ARHGAP15: variants seen among roughly 807,000 people sequenced by gnomAD.
The protein encoded by ARHGAP15 is rho GTPase-activating protein 15.
A neutral mutation model predicts 63.7 loss-of-function variants in ARHGAP15; 51 were observed. The ratio of observed to expected loss-of-function variants is 0.80; its 90% confidence interval spans 0.64 to 1.01. ARHGAP15 has a LOEUF of 1.01. Ranked by LOEUF, ARHGAP15 falls within the 50% of genes least tolerant of loss-of-function variation. The probability of loss-of-function intolerance (pLI) is 0.00; values close to 1 mark genes in which losing one functional copy is unlikely to be tolerated. For synonymous variants in ARHGAP15, 191 were observed against 193.8 expected (o/e 0.99, Z 0.12); for missense variants, 560 against 564.6 (o/e 0.99, Z 0.08).
intron 1 of ARHGAP15, among the ~76,000 whole-genome samples, chr2:143,150,385 G>A (rs1689767902): frequency 6.6e-6 from 1 of 151,980 alleles, no homozygotes; most frequent in Non-Finnish European, 1.5e-5. Context: ...TGCAGTATGA[G>A]TAGGAAAATC....
intron 5 of ARHGAP15, among the ~76,000 whole-genome samples, chr2:143,245,999 A>T (rs558846748): frequency 1.8e-4 from 27 of 152,282 alleles, no homozygotes; most frequent in Non-Finnish European, 2.9e-4. Context: ...AAAAAATGGA[A>T]AATGTGAATT....
chr2:143,220,824 G>A (rs968317253), intron 4 of ARHGAP15, among the ~76,000 whole-genome samples: 1 of 151,828 alleles, frequency 6.6e-6, no homozygotes, highest in Non-Finnish European at 1.5e-5. Context: ...GAATTAATAA[G>A]CAATATTAAT....
chr2:143,406,857 G>T (rs1172312800), intron 6 of ARHGAP15, among the ~76,000 whole-genome samples: 8 of 151,824 alleles, frequency 5.3e-5, no homozygotes, highest in Non-Finnish European at 1.2e-4. Flanking sequence ...CCATCTTATG[G>T]TTCCATCTTC....
chr2:143,498,946 A>G (rs904882664), intron 9 of ARHGAP15, among the ~76,000 whole-genome samples: 3 of 152,200 alleles, frequency 2.0e-5, no homozygotes, highest in Non-Finnish European at 4.4e-5. Flanking sequence ...AAAGGCAGCC[A>G]TTTAAGACAC....
At chr2:143,687,017 T>C (rs905676496) in intron 12 of ARHGAP15, among the ~76,000 whole-genome samples, 3 of 152,214 alleles carry the variant, frequency 2.0e-5, no homozygotes, top group Non-Finnish European at 4.4e-5. Flanking sequence ...GAGTCAACTG[T>C]CTGGACTAGT....
intron 3 of ARHGAP15, among the ~76,000 whole-genome samples, chr2:143,207,792 A>G (rs1281504602): frequency 1.3e-5 from 2 of 152,148 alleles, no homozygotes; most frequent in African/African-American, 2.4e-5. Context: ...CCATTCCCCC[A>G]GACAGAAAAT....
intron 9 of ARHGAP15, among the ~76,000 whole-genome samples, chr2:143,495,752 A>G (rs1158561369): frequency 6.6e-6 from 1 of 152,248 alleles, no homozygotes; most frequent in Non-Finnish European, 1.5e-5. Flanking sequence ...TAGAACTGAT[A>G]TATGACAGAG....
At chr2:143,517,025 C>G (rs754453692) in intron 9 of ARHGAP15, among the ~76,000 whole-genome samples, 1 of 152,182 alleles carries the variant, frequency 6.6e-6, no homozygotes, top group Non-Finnish European at 1.5e-5. Context: ...TCTCAGCTCA[C>G]TGCAACCTCT....
rs568300985 is a variant in ARHGAP15 at position 143,402,419 on chromosome 2, A to C, written c.475-33182A>C. On this transcript the variant is annotated intron_variant, in intron 6 of 13. Coordinates refer to ENST00000295095, the MANE Select transcript of ARHGAP15 (RefSeq NM_018460.4). ...ATAGACAACAGCAAAGGTACTAGGG[A>C]AGATTTAGCTTCTTCTGAGTTCGCA... Among the ~76,000 whole-genome samples the C allele has an allele frequency of 5.9e-5, 9 of 151,952 alleles. No individual in the cohort carries two copies. In the South Asian group the frequency reaches 1.9e-3, roughly 32 times the overall value.
intron 4 of ARHGAP15, among the ~76,000 whole-genome samples, chr2:143,218,277 CTTTTTTTTTTT>C (rs762494225): frequency 5.4e-5 from 5 of 92,044 alleles, no homozygotes; most frequent in Admixed American, 1.4e-4. Context: ...TTTAGTTTTC[CTTTTTTTTTTT>C]TTTTTTTTTT....
chr2:143,217,618 T>C (rs1002571757), intron 4 of ARHGAP15, among the ~76,000 whole-genome samples: 53 of 152,128 alleles, frequency 3.5e-4, no homozygotes, highest in African/African-American at 2.4e-5. Flanking sequence ...CTTAGAGAAT[T>C]GGGTTCTGAA....
At chr2:143,312,569 T>G (rs1215175276) in intron 6 of ARHGAP15, among the ~76,000 whole-genome samples, 1 of 152,192 alleles carries the variant, frequency 6.6e-6, no homozygotes, top group East Asian at 1.9e-4. Context: ...TAAACTTTTT[T>G]TATAGTGTAT....
chr2:143,390,795 G>T (rs1287165873), intron 6 of ARHGAP15, among the ~76,000 whole-genome samples: 2 of 151,362 alleles, frequency 1.3e-5, no homozygotes, highest in South Asian at 2.1e-4. Flanking sequence ...ACTTGCTAAG[G>T]TACCAACCCA....
intron 6 of ARHGAP15, among the ~76,000 whole-genome samples, chr2:143,389,492 C>T (rs988932533): frequency 1.2e-4 from 19 of 152,102 alleles, no homozygotes; most frequent in Non-Finnish European, 2.1e-4. Context: ...GCATTTTCCC[C>T]GGCAGGTTCA....
intron 12 of ARHGAP15, among the ~76,000 whole-genome samples, chr2:143,625,914 T>C (rs1039227781): frequency 2.6e-5 from 4 of 152,188 alleles, no homozygotes; most frequent in African/African-American, 9.6e-5. Flanking sequence ...ATATCCATCA[T>C]TTAAGCTTCC....
chr2:143,225,114 T>G (rs1022545797), intron 4 of ARHGAP15, among the ~76,000 whole-genome samples: 1 of 152,236 alleles, frequency 6.6e-6, no homozygotes, highest in Non-Finnish European at 1.5e-5. Flanking sequence ...GATTTAATGC[T>G]AGATTGTTAC....
intron 10 of ARHGAP15, among the ~76,000 whole-genome samples, chr2:143,524,384 C>T (rs1694179003): frequency 6.6e-6 from 1 of 152,136 alleles, no homozygotes; most frequent in Admixed American, 6.6e-5. Flanking sequence ...TTGTAGCAAA[C>T]ACTTTTTCAT....
intron 8 of ARHGAP15, among the ~76,000 whole-genome samples, chr2:143,439,090 AATT>A (rs1396407127): frequency 6.6e-6 from 1 of 152,142 alleles, no homozygotes; most frequent in African/African-American, 2.4e-5. Context: ...TGGAAAAGAC[AATT>A]ATTTTTCTAC....
chr2:143,705,335 G>A (rs980713892), intron 13 of ARHGAP15, among the ~76,000 whole-genome samples: 4 of 152,180 alleles, frequency 2.6e-5, no homozygotes, highest in Admixed American at 2.0e-4. Flanking sequence ...AATCCAATGT[G>A]GTTTAGTGAA....
Sources: gnomAD v4.1 joint callset for allele counts (sites outside exome capture counted in the v4.1 genomes callset) on GRCh38, gnomAD v4.1.1 for gene constraint, MANE v1.5 for transcripts, NCBI Gene and HGNC (gene_info 2026-07-23, HGNC 2026-07-21) for gene names.